The following APP variants were observed in gnomAD, a reference collection of about 807,000 sequenced individuals.
The protein encoded by APP is amyloid beta precursor protein, also known as amyloid-beta precursor protein.
Under a neutral mutation model 101.4 loss-of-function variants are expected in APP, and 31 were observed. The observed-to-expected ratio is 0.31, with a 90% CI of 0.23 to 0.41. The LOEUF (loss-of-function observed/expected upper bound fraction) is 0.41, where lower values mean the gene tolerates loss of function less well. Ranked by LOEUF, APP falls within the 10% of genes least tolerant of loss-of-function variation. The pLI, the probability that APP is intolerant of heterozygous loss-of-function variation, is 1.00. For missense variants in APP, 839 were observed against 1,003.7 expected (o/e 0.84, Z 2.22); for synonymous variants, 366 against 364.4 (o/e 1.00, Z -0.05).
chr21:26,163,239 C>CAAAAAAA (rs58816061), intron 1 of APP, among the ~76,000 whole-genome samples: 1 of 58,832 alleles, frequency 1.7e-5, no homozygotes, highest in East Asian at 4.2e-4. Flanking sequence ...AACTCAGTCT[C>CAAAAAAA]AAAAAAAAAA....
intron 1 of APP, 97 bp downstream of exon 1, chr21:26,170,467 C>T (rs2146415466): frequency 1.5e-6 from 2 of 1,326,654 alleles, no homozygotes; most frequent in African/African-American, 1.5e-5. Flanking sequence ...TTGACGGACC[C>T]CCGGCTTCTC....
At chr21:25,881,902 T>A in intron 17 of APP, 131 bp from the exon 18 acceptor site, 1 of 940,364 alleles carries the variant, frequency 1.1e-6, no homozygotes, top group Non-Finnish European at 1.7e-6. Flanking sequence ...CATAATTTTC[T>A]CCCCCACTTT....
chr21:26,102,042 T>C (rs1252024422), intron 2 of APP, among the ~76,000 whole-genome samples: 1 of 151,912 alleles, frequency 6.6e-6, no homozygotes, highest in Admixed American at 6.6e-5. Context: ...CCTTTATTCT[T>C]CTGGAATCCC....
intron 16 of APP, among the ~76,000 whole-genome samples, chr21:25,896,599 G>A (rs947341140): frequency 2.6e-5 from 4 of 152,044 alleles, no homozygotes; most frequent in East Asian, 1.9e-4. Flanking sequence ...CATAATCCAC[G>A]ATTTGATTTA....
intron 3 of APP, among the ~76,000 whole-genome samples, chr21:26,062,772 T>C (rs1015265303): frequency 2.6e-5 from 4 of 152,096 alleles, no homozygotes; most frequent in African/African-American, 9.7e-5. Flanking sequence ...TTTTATTTTT[T>C]ATTTTTTTAA....
chr21:26,137,317 A>G (rs2062942705), intron 1 of APP, among the ~76,000 whole-genome samples: 1 of 152,236 alleles, frequency 6.6e-6, no homozygotes. Context: ...AATGAGAGCA[A>G]ATGAGATTTT....
chr21:26,004,436 G>A (rs2043429929), intron 6 of APP, among the ~76,000 whole-genome samples: 1 of 72 alleles, frequency 0.014, no homozygotes, highest in East Asian at 0.25. Context: ...GGGATTACAA[G>A]CACCCGCCAC....
At chr21:26,117,956 T>C (rs2062473637) in intron 1 of APP, among the ~76,000 whole-genome samples, 1 of 152,262 alleles carries the variant, frequency 6.6e-6, no homozygotes, top group African/African-American at 2.4e-5. Flanking sequence ...TGGGTCACTG[T>C]TGATCTGGCT....
chr21:26,018,529 C>T (rs957582543), intron 6 of APP, among the ~76,000 whole-genome samples: 5 of 152,164 alleles, frequency 3.3e-5, no homozygotes, highest in South Asian at 2.1e-4. Flanking sequence ...TTTAACGTTA[C>T]CCTCTAAAAC....
Position 25,884,362 on chromosome 21 carries a change from G to A in APP, c.2212-2591C>T, listed in dbSNP as rs569956582. On this transcript the variant is annotated intron_variant, in intron 17 of 17. Coordinates refer to ENST00000346798, the MANE Select transcript of APP (RefSeq NM_000484.4). ...CACCAACAAGCTCTGACCAAGGCCA[G>A]TACTCAGAGGACTCTGCTCAAATGG... Among the ~76,000 whole-genome samples the A allele has an allele frequency of 3.9e-5, 6 of 152,312 alleles. No homozygotes were observed. In the South Asian group the frequency reaches 1.2e-3, roughly 32 times the overall value.
At chr21:26,033,110 G>A (rs114467960) in intron 5 of APP, among the ~76,000 whole-genome samples, 4,273 of 152,232 alleles carry the variant, frequency 0.028, 199 homozygotes, top group African/African-American at 0.095. Flanking sequence ...AATGGCACCC[G>A]TAGCAGATGA....
At chr21:26,055,885 C>A (rs775880011) in intron 3 of APP, among the ~76,000 whole-genome samples, 2 of 152,254 alleles carry the variant, frequency 1.3e-5, no homozygotes, top group Non-Finnish European at 2.9e-5. Flanking sequence ...TTCTTGGGGG[C>A]ATAAATCAGA....
intron 2 of APP, among the ~76,000 whole-genome samples, chr21:26,092,515 G>A (rs1275538050): frequency 1.3e-5 from 2 of 152,226 alleles, no homozygotes; most frequent in African/African-American, 4.8e-5. Context: ...ACGGGTTTGG[G>A]TGGTTGGGGG....
chr21:26,137,170 C>G (rs1042792696), intron 1 of APP, among the ~76,000 whole-genome samples: 7 of 152,142 alleles, frequency 4.6e-5, no homozygotes, highest in African/African-American at 1.4e-4. Context: ...TCAAGTGATC[C>G]GCCCACCTCG....
chr21:25,973,915 G>A (rs2042127878), intron 11 of APP, among the ~76,000 whole-genome samples: 1 of 145,796 alleles, frequency 6.9e-6, no homozygotes, highest in Non-Finnish European at 1.5e-5. Context: ...ACTCCAGCCT[G>A]GGTGACAGAG....
intron 16 of APP, among the ~76,000 whole-genome samples, chr21:25,893,526 C>T (rs1413052536): frequency 6.6e-6 from 1 of 152,226 alleles, no homozygotes; most frequent in Non-Finnish European, 1.5e-5. Flanking sequence ...AGCCTTATTG[C>T]TGATACGGAG....
chr21:26,134,537 G>A (rs923092073), intron 1 of APP, among the ~76,000 whole-genome samples: 1 of 152,232 alleles, frequency 6.6e-6, no homozygotes, highest in Non-Finnish European at 1.5e-5. Flanking sequence ...GTGAGGTGCG[G>A]CTGAAGAGAA....
chr21:26,168,880 G>A (rs1035689905), intron 1 of APP, among the ~76,000 whole-genome samples: 2 of 152,178 alleles, frequency 1.3e-5, no homozygotes, highest in Non-Finnish European at 2.9e-5. Flanking sequence ...AAAGTTCAAT[G>A]ACCTTGCAAA....
chr21:26,170,137 G>A (rs942798125), intron 1 of APP, among the ~76,000 whole-genome samples: 51 of 152,208 alleles, frequency 3.4e-4, no homozygotes, highest in Non-Finnish European at 2.6e-4. Flanking sequence ...AGAAAGGAAA[G>A]GGCAACGATT....
Sources: allele counts gnomAD v4.1 joint callset (sites outside exome capture counted in the v4.1 genomes callset), GRCh38; gene constraint gnomAD v4.1.1; transcripts MANE v1.5; gene names NCBI Gene and HGNC (gene_info 2026-07-23, HGNC 2026-07-21).